The following DCC variants were observed in gnomAD, a reference collection of about 807,000 sequenced individuals.
DCC encodes the protein DCC netrin 1 receptor.
Under a neutral mutation model 172.5 loss-of-function variants are expected in DCC, and 58 were observed. The observed-to-expected ratio is 0.34, with a 90% CI of 0.27 to 0.42. The LOEUF (loss-of-function observed/expected upper bound fraction) is 0.42. Among genes scored for constraint, DCC ranks in the 10% least tolerant of loss-of-function variants. DCC has a pLI of 1.00. For synonymous variants in DCC, 709 were observed against 644.5 expected (o/e 1.10, Z -1.52); for missense variants, 1,740 against 1,791.0 (o/e 0.97, Z 0.51).
chr18:53,197,542 C>A (rs1460011633), intron 9 of DCC, among the ~76,000 whole-genome samples: 1 of 149,580 alleles, frequency 6.7e-6, no homozygotes, highest in African/African-American at 2.5e-5. Context: ...ACTACATATT[C>A]CCTGACACTA....
intron 1 of DCC, among the ~76,000 whole-genome samples, chr18:52,558,096 T>C (rs1343165653): frequency 6.6e-6 from 1 of 152,144 alleles, no homozygotes; most frequent in Non-Finnish European, 1.5e-5. Context: ...TACAAACTTT[T>C]AATAATTAGC....
intron 2 of DCC, among the ~76,000 whole-genome samples, chr18:52,816,199 G>A (rs1459194623): frequency 2.0e-5 from 3 of 152,306 alleles, no homozygotes; most frequent in Non-Finnish European, 4.4e-5. Context: ...GAGTAGTAGT[G>A]AATGACAAAA....
intron 27 of DCC, among the ~76,000 whole-genome samples, chr18:53,502,175 T>C (rs1421070545): frequency 6.6e-6 from 1 of 152,204 alleles, no homozygotes; most frequent in Non-Finnish European, 1.5e-5. Context: ...TATTTTCAGA[T>C]ATCTCTGGCT....
chr18:53,056,259 C>T (rs1036821014), intron 5 of DCC, among the ~76,000 whole-genome samples: 1 of 152,072 alleles, frequency 6.6e-6, no homozygotes, highest in Non-Finnish European at 1.5e-5. Flanking sequence ...CAGTTTAAAA[C>T]CATCAGCTCT....
intron 22 of DCC, among the ~76,000 whole-genome samples, chr18:53,441,217 AAATC>A (rs1007940220): frequency 3.4e-4 from 52 of 152,284 alleles, no homozygotes; most frequent in African/African-American, 1.1e-3. Context: ...GAAAATAAAT[AAATC>A]AAGTGTCCCA....
At chr18:52,417,101 G>A (rs1349761017) in intron 1 of DCC, among the ~76,000 whole-genome samples, 1 of 152,106 alleles carries the variant, frequency 6.6e-6, no homozygotes, top group African/African-American at 2.4e-5. Context: ...TTGCTTATCT[G>A]TAAAGTATTT....
At chr18:52,658,681 C>CA (rs1325690267) in intron 1 of DCC, among the ~76,000 whole-genome samples, 68 of 151,984 alleles carry the variant, frequency 4.5e-4, no homozygotes, top group Non-Finnish European at 3.8e-4. Flanking sequence ...CATTCCAAGA[C>CA]AAAAAACTGT....
rs146435383 is a variant in DCC at position 52,865,541 on chromosome 18, A to G, written c.413-40503A>G. Among the ~76,000 whole-genome samples, 9 of 151,936 alleles carry G rather than the reference A, an allele frequency of 5.9e-5. No homozygotes were observed. The East Asian group carries it at 1.4e-3, about 23-fold the overall frequency. ...TTTAATGATCGCCATTCTAACTGGC[A>G]TGAGATGGTATCTCATTGTGGTTTT... On this transcript the variant is annotated intron_variant, in intron 2 of 28. Transcript: ENST00000442544.
At chr18:53,016,119 C>T (rs897133854) in intron 5 of DCC, among the ~76,000 whole-genome samples, 2 of 151,936 alleles carry the variant, frequency 1.3e-5, no homozygotes, top group African/African-American at 4.8e-5. Context: ...TTGTATTATT[C>T]TTTGTCTGTC....
chr18:53,030,603 G>A (rs1164555169), intron 5 of DCC, among the ~76,000 whole-genome samples: 2 of 152,090 alleles, frequency 1.3e-5, no homozygotes, highest in African/African-American at 4.8e-5. Flanking sequence ...CAGAGGCTAT[G>A]CTGTAACAAG....
At chr18:52,536,191 T>C (rs1975750) in intron 1 of DCC, among the ~76,000 whole-genome samples, 68,614 of 151,808 alleles carry the variant, frequency 0.45, 15,559 homozygotes, top group East Asian at 0.57. Flanking sequence ...AATGGAACCA[T>C]GTGGGTATAT....
chr18:52,640,550 C>T (rs1467928409), intron 1 of DCC, among the ~76,000 whole-genome samples: 1 of 151,838 alleles, frequency 6.6e-6, no homozygotes, highest in African/African-American at 2.4e-5. Flanking sequence ...ATTAGTAGCT[C>T]TTCTATATAC....
At chr18:53,034,346 C>T (rs1367382442) in intron 5 of DCC, among the ~76,000 whole-genome samples, 1 of 151,986 alleles carries the variant, frequency 6.6e-6, no homozygotes, top group African/African-American at 2.4e-5. Flanking sequence ...TCATACCTCT[C>T]CAGAAACATT....
intron 2 of DCC, among the ~76,000 whole-genome samples, chr18:52,847,807 C>A (rs895055378): frequency 7.2e-5 from 11 of 152,202 alleles, no homozygotes; most frequent in African/African-American, 2.4e-4. Context: ...GAGACGTACC[C>A]TAGTTGAATG....
At chr18:52,774,327 G>C (rs8083929) in intron 2 of DCC, among the ~76,000 whole-genome samples, 145,148 of 152,278 alleles carry the variant, frequency 0.95, 69,368 homozygotes, top group Non-Finnish European at 0.99. Flanking sequence ...TGCAGTTGAT[G>C]TGGCCGGCTG....
chr18:52,529,437 C>T (rs1055789478), intron 1 of DCC, among the ~76,000 whole-genome samples: 7 of 152,220 alleles, frequency 4.6e-5, no homozygotes, highest in African/African-American at 1.7e-4. Context: ...ACTACAGGCG[C>T]CTGCCACCAC....
chr18:52,830,236 T>C (rs2038588735), intron 2 of DCC, among the ~76,000 whole-genome samples: 1 of 152,216 alleles, frequency 6.6e-6, no homozygotes, highest in African/African-American at 2.4e-5. Flanking sequence ...GGTTTGAATG[T>C]GGTCCAACAC....
intron 2 of DCC, among the ~76,000 whole-genome samples, chr18:52,771,690 T>C (rs2037346305): frequency 6.6e-6 from 1 of 152,174 alleles, no homozygotes. Context: ...CCTCCTTTAA[T>C]ATTGAGCAGT....
At chr18:53,205,169 C>T (rs778065844) in intron 9 of DCC, 47 bp from the exon 10 acceptor site, 1 of 1,518,840 alleles carries the variant, frequency 6.6e-7, no homozygotes, top group African/African-American at 1.4e-5. Context: ...CAAAAACCCA[C>T]TTATCCTAAT....
Sources: gnomAD v4.1 joint callset for allele counts (sites outside exome capture counted in the v4.1 genomes callset) on GRCh38, gnomAD v4.1.1 for gene constraint, MANE v1.5 for transcripts, NCBI Gene and HGNC (gene_info 2026-07-23, HGNC 2026-07-21) for gene names.